The following SH3PXD2A variants were observed in gnomAD, a reference collection of about 807,000 sequenced individuals.
SH3PXD2A encodes the protein SH3 and PX domains 2A, also known as SH3 and PX domain-containing protein 2A.
Under a neutral mutation model 115.2 loss-of-function variants are expected in SH3PXD2A, and 32 were observed. That is an observed-to-expected ratio of 0.28 (90% confidence interval 0.21 to 0.37). The LOEUF (loss-of-function observed/expected upper bound fraction) is 0.37. Ranked by LOEUF, SH3PXD2A falls within the 10% of genes least tolerant of loss-of-function variation. The pLI is 1.00. For synonymous variants in SH3PXD2A, 610 were observed against 629.1 expected (o/e 0.97, Z 0.45); for missense variants, 1,328 against 1,498.7 (o/e 0.89, Z 1.88).
chr10:103,605,518 T>G (rs1185786408), intron 14 of SH3PXD2A, among the ~76,000 whole-genome samples: 2 of 152,194 alleles, frequency 1.3e-5, no homozygotes, highest in Non-Finnish European at 2.9e-5. Flanking sequence ...AAAGAAGCCC[T>G]TTGTTTCAAG....
chr10:103,621,820 G>A (rs1001116130), intron 10 of SH3PXD2A, among the ~76,000 whole-genome samples: 1 of 152,200 alleles, frequency 6.6e-6, no homozygotes, highest in Non-Finnish European at 1.5e-5. Context: ...TGGGCCTGGG[G>A]GGCTCCCTGG....
Position 103,841,218 on chromosome 10 carries a change from T to C in SH3PXD2A, c.72+13977A>G, listed in dbSNP as rs1381853942. Among the ~76,000 whole-genome samples the C allele has an allele frequency of 5.3e-5, 8 of 152,268 alleles. No homozygotes were observed. The East Asian group carries it at 1.2e-3, about 22-fold the overall frequency. ...CCAGGACGCACCATGATCCAGACCC[T>C]CTGCTAGCATGAGGAGGGGGCGTTA... On this transcript the variant is annotated intron_variant, in intron 1 of 14. Coordinates refer to ENST00000369774, the MANE Select transcript of SH3PXD2A (RefSeq NM_001394015.1).
At chr10:103,757,559 T>C (rs1221798079) in intron 3 of SH3PXD2A, among the ~76,000 whole-genome samples, 1 of 152,190 alleles carries the variant, frequency 6.6e-6, no homozygotes, top group African/African-American at 2.4e-5. Flanking sequence ...CAAGGTGGCC[T>C]GGCTCTTTTC....
At chr10:103,646,348 A>G (rs2037035984) in intron 8 of SH3PXD2A, among the ~76,000 whole-genome samples, 1 of 152,056 alleles carries the variant, frequency 6.6e-6, no homozygotes, top group Non-Finnish European at 1.5e-5. Flanking sequence ...ACCCCAATCC[A>G]AGGAGAAAAG....
At chr10:103,715,538 G>A (rs973635525) in intron 5 of SH3PXD2A, among the ~76,000 whole-genome samples, 8 of 152,320 alleles carry the variant, frequency 5.3e-5, no homozygotes, top group African/African-American at 1.7e-4. Context: ...GGGAGTAGGA[G>A]GGTGTATGAC....
intron 5 of SH3PXD2A, among the ~76,000 whole-genome samples, chr10:103,718,223 C>G (rs940146054): frequency 6.6e-6 from 1 of 151,838 alleles, no homozygotes; most frequent in Non-Finnish European, 1.5e-5. Context: ...CACTATGTTG[C>G]TCAGGCTGGT....
chr10:103,661,923 C>A, intron 7 of SH3PXD2A: 1 of 985,348 alleles, frequency 1.0e-6, no homozygotes, highest in Non-Finnish European at 1.2e-6. Flanking sequence ...GCCAACTTTT[C>A]CTCAAGTTCG....
chr10:103,815,488 C>G (rs1178545210), intron 1 of SH3PXD2A, among the ~76,000 whole-genome samples: 1 of 149,260 alleles, frequency 6.7e-6, no homozygotes, highest in African/African-American at 2.5e-5. Flanking sequence ...ATAATATACA[C>G]ACACACACAG....
chr10:103,848,588 C>T (rs1413131602), intron 1 of SH3PXD2A, among the ~76,000 whole-genome samples: 1 of 152,174 alleles, frequency 6.6e-6, no homozygotes, highest in African/African-American at 2.4e-5. Flanking sequence ...TCTCCCTCAT[C>T]CACCCTCGGC....
intron 2 of SH3PXD2A, among the ~76,000 whole-genome samples, chr10:103,787,442 G>GC (rs1376284467): frequency 1.3e-5 from 2 of 152,284 alleles, no homozygotes; most frequent in South Asian, 2.1e-4. Flanking sequence ...AGACTGCCTG[G>GC]CCCCAGTCTC....
At chr10:103,786,559 C>G (rs949772348) in intron 2 of SH3PXD2A, among the ~76,000 whole-genome samples, 1 of 152,180 alleles carries the variant, frequency 6.6e-6, no homozygotes, top group African/African-American at 2.4e-5. Flanking sequence ...CCCAGCTACT[C>G]AGGAAGCTGA....
At chr10:103,727,912 G>A (rs959200981) in intron 4 of SH3PXD2A, among the ~76,000 whole-genome samples, 2 of 152,258 alleles carry the variant, frequency 1.3e-5, no homozygotes, top group East Asian at 3.8e-4. Context: ...TGGCAGGAGA[G>A]AGTGATGCTG....
chr10:103,605,994 C>G, intron 13 of SH3PXD2A, 77 bp from the exon 14 acceptor site: 1 of 1,538,316 alleles, frequency 6.5e-7, no homozygotes, highest in Non-Finnish European at 8.9e-7. Context: ...GGTCCCCACT[C>G]AGTCCCCAGG....
intron 3 of SH3PXD2A, among the ~76,000 whole-genome samples, chr10:103,747,362 G>A (rs2038516865): frequency 6.6e-6 from 1 of 152,156 alleles, no homozygotes; most frequent in Non-Finnish European, 1.5e-5. Flanking sequence ...GGTGGGCAGT[G>A]GCTCTGTACC....
At chr10:103,670,842 T>A (rs2037448915) in intron 6 of SH3PXD2A, among the ~76,000 whole-genome samples, 1 of 152,250 alleles carries the variant, frequency 6.6e-6, no homozygotes, top group Non-Finnish European at 1.5e-5. Flanking sequence ...TAAGCTGGTA[T>A]GGCCAAGGAG....
chr10:103,600,647 G>A lies in SH3PXD2A; in HGVS notation c.*1169C>T, dbSNP rs1237144402. 1 of 152,194 alleles carries A rather than the reference G, an allele frequency of 6.6e-6. No homozygotes were observed. Among genetic ancestry groups the A allele is most frequent in the African/African-American group, 2.4e-5 (1 of 41,448 alleles). The allele number at this position is 152,194 out of a possible 1,614,324, so 9.4% of individuals were successfully genotyped here. Reference sequence around the variant, plus strand: ...TCCTGAACACCCTCCTCCTTCCTGGGGAGGGTTTTTGCCCCTCTGAGGTTG... The same window carrying A: ...TCCTGAACACCCTCCTCCTTCCTGGAGAGGGTTTTTGCCCCTCTGAGGTTG... On this transcript the variant is annotated 3_prime_UTR_variant, in exon 15 of 15. Transcript: ENST00000369774.
intron 1 of SH3PXD2A, among the ~76,000 whole-genome samples, chr10:103,807,025 T>A (rs528877567): frequency 2.0e-5 from 3 of 152,236 alleles, no homozygotes; most frequent in African/African-American, 7.2e-5. Flanking sequence ...CCCACCAATG[T>A]CTGAGGTTTC....
chr10:103,732,790 C>T (rs1053349199), intron 4 of SH3PXD2A, among the ~76,000 whole-genome samples: 6 of 152,178 alleles, frequency 3.9e-5, no homozygotes, highest in African/African-American at 9.7e-5. Flanking sequence ...GTAGAGACTC[C>T]AGAGGCTCTA....
At chr10:103,785,695 C>G (rs1313044926) in intron 2 of SH3PXD2A, among the ~76,000 whole-genome samples, 6 of 152,094 alleles carry the variant, frequency 3.9e-5, no homozygotes, top group Admixed American at 1.3e-4. Context: ...TCCCCATCCC[C>G]ACAGTCTCCT....
Sources: gnomAD v4.1 joint callset for allele counts (sites outside exome capture counted in the v4.1 genomes callset) on GRCh38, gnomAD v4.1.1 for gene constraint, MANE v1.5 for transcripts, NCBI Gene and HGNC (gene_info 2026-07-23, HGNC 2026-07-21) for gene names.